The following GSTA3 variants were observed in gnomAD, a reference collection of about 807,000 sequenced individuals.
GSTA3 encodes the protein glutathione S-transferase A3.
Under a neutral mutation model 23.1 loss-of-function variants are expected in GSTA3, and 16 were observed. The ratio of observed to expected loss-of-function variants is 0.69; its 90% CI spans 0.47 to 1.05. The LOEUF (loss-of-function observed/expected upper bound fraction) is 1.05, where lower values mean the gene tolerates loss of function less well. Among genes scored for constraint, GSTA3 ranks in the 50% least tolerant of loss-of-function variants. The pLI is 0.00. For synonymous variants in GSTA3, 122 were observed against 91.0 expected (o/e 1.34, Z -1.94); for missense variants, 319 against 263.6 (o/e 1.21, Z -1.46).
chr6:52,906,023 A>T (rs1349088717), intron 1 of GSTA3, among the ~76,000 whole-genome samples, 168 bp from the exon 2 acceptor site: 1 of 152,150 alleles, frequency 6.6e-6, no homozygotes, highest in Non-Finnish European at 1.5e-5. Context: ...CACCAATGTG[A>T]CTTCACAGGG....
chr6:52,905,907 GC>G, intron 1 of GSTA3, 52 bp from the exon 2 acceptor site: 1 of 845,272 alleles, frequency 1.2e-6, no homozygotes, highest in Non-Finnish European at 2.0e-6. Context: ...GTCTAGAGAA[GC>G]AAAATGCACG....
chr6:52,897,234 G>A (rs1305479521), intron 6 of GSTA3, among the ~76,000 whole-genome samples: 1 of 152,244 alleles, frequency 6.6e-6, no homozygotes, highest in Non-Finnish European at 1.5e-5. Flanking sequence ...GTGCCTGTGA[G>A]ATATCAACAC....
chr6:52,902,988 T>C (rs1311448012), intron 3 of GSTA3, among the ~76,000 whole-genome samples: 1 of 152,130 alleles, frequency 6.6e-6, no homozygotes, highest in Non-Finnish European at 1.5e-5. Flanking sequence ...AATGGCCACA[T>C]CTATTTCTAT....
At chr6:52,906,545 C>T (rs1273584101) in intron 1 of GSTA3, among the ~76,000 whole-genome samples, 3 of 152,226 alleles carry the variant, frequency 2.0e-5, no homozygotes, top group South Asian at 4.1e-4. Context: ...AGGCATCACA[C>T]TATCTCACTT....
rs1460779697 is a variant in GSTA3 at position 52,897,817 on chromosome 6, T to C, written c.546+8A>G. ...GGCTGTCTCTCTGAGGGCTGTGAAA[T>C]GGGTCACCTTCAGCAGAGGGAAGTT... On this transcript the variant is annotated splice_region_variant and intron_variant, in intron 6 of 6. Coordinates refer to ENST00000211122, the MANE Select transcript of GSTA3 (RefSeq NM_000847.5). The C allele has an allele frequency of 2.5e-6, 4 of 1,612,274 alleles. No homozygotes were observed. In the Admixed American group the frequency reaches 5.0e-5, roughly 20 times the overall value.
Position 52,902,495 on chromosome 6 carries a change from A to G in GSTA3, c.140-17T>C. 2 of 1,597,784 alleles carry G rather than the reference A, an allele frequency of 1.3e-6. No homozygotes were observed. The highest frequency in any genetic ancestry group is 1.7e-6 in the Non-Finnish European group (2 of 1,173,772). ...AACTCCCATCTTTAGAAAGAAGGAA[A>G]AAAAAGGAACATGAAATTTCTATGA... On this transcript the variant is annotated splice_polypyrimidine_tract_variant and intron_variant, in intron 3 of 6. Transcript: ENST00000211122.
At chr6:52,899,800 G>T in intron 5 of GSTA3, 134 bp downstream of exon 5, 1 of 818,428 alleles carries the variant, frequency 1.2e-6, no homozygotes, top group Non-Finnish European at 2.1e-6. Flanking sequence ...AAAATGCCTT[G>T]AGAGTCAGAG....
intron 1 of GSTA3, among the ~76,000 whole-genome samples, chr6:52,908,156 C>CT (rs3063696): frequency 0.02 from 2,693 of 132,968 alleles, 39 homozygotes; most frequent in African/African-American, 0.027. Flanking sequence ...CAAGAGCAAT[C>CT]TTTTTTTTTT....
intron 5 of GSTA3, among the ~76,000 whole-genome samples, chr6:52,898,997 G>A (rs913347177): frequency 2.6e-5 from 4 of 152,144 alleles, no homozygotes; most frequent in Non-Finnish European, 4.4e-5. Flanking sequence ...GCAGGTAGCC[G>A]GCAATCGGAA....
intron 2 of GSTA3, among the ~76,000 whole-genome samples, chr6:52,904,637 C>G (rs1387477852): frequency 6.6e-6 from 1 of 152,132 alleles, no homozygotes; most frequent in African/African-American, 2.4e-5. Flanking sequence ...TGCTGACACC[C>G]GAGGGACAAG....
Position 52,897,921 on chromosome 6 carries a change from G to C in GSTA3, c.450C>G (p.Gly150=). Residue 150 remains glycine, a synonymous_variant, in exon 6 of 7, where the codon GGC becomes GGG. Transcript: ENST00000211122. ...TAATGTCAGCCCGGCTCAGCTTGTT[G>C]CCAACAAGGTAGTCTTGTCCATGGC... The part of the protein sequence containing the change: ...LQSHGQDYLV[G]NKLSRADISL... 1 of 1,614,008 alleles carries C rather than the reference G, an allele frequency of 6.2e-7. No homozygotes were observed. Among genetic ancestry groups the C allele is most frequent in the Non-Finnish European group, 8.5e-7 (1 of 1,179,904 alleles).
At chr6:52,908,700 G>T (rs922071890) in intron 1 of GSTA3, among the ~76,000 whole-genome samples, 1 of 152,066 alleles carries the variant, frequency 6.6e-6, no homozygotes, top group Non-Finnish European at 1.5e-5. Flanking sequence ...GCTTTGGCAG[G>T]GTAGCCCAGG....
intron 4 of GSTA3, among the ~76,000 whole-genome samples, chr6:52,901,146 T>C (rs1364700890): frequency 6.6e-6 from 1 of 152,256 alleles, no homozygotes; most frequent in Non-Finnish European, 1.5e-5. Flanking sequence ...ACATTATCGT[T>C]GTCACCCATT....
At chr6:52,902,972 C>T (rs1765744236) in intron 3 of GSTA3, among the ~76,000 whole-genome samples, 1 of 152,130 alleles carries the variant, frequency 6.6e-6, no homozygotes, top group Admixed American at 6.5e-5. Flanking sequence ...GAAAACAACT[C>T]AAGGTAATGG....
At chr6:52,899,888 T>C (rs1245863969) in intron 5 of GSTA3, 46 bp downstream of exon 5, 4 of 1,597,882 alleles carry the variant, frequency 2.5e-6, no homozygotes, top group East Asian at 2.2e-5. Context: ...ATTTTTCTAC[T>C]GGCCTCTAAA....
intron 5 of GSTA3, among the ~76,000 whole-genome samples, chr6:52,898,857 CTG>C (rs1460613343): frequency 5.9e-5 from 9 of 152,178 alleles, no homozygotes; most frequent in African/African-American, 1.9e-4. Context: ...GCCCCTGCTG[CTG>C]TGTCTTTCCC....
intron 4 of GSTA3, among the ~76,000 whole-genome samples, chr6:52,901,241 C>G (rs571758394): frequency 2.0e-5 from 3 of 152,222 alleles, no homozygotes; most frequent in African/African-American, 7.2e-5. Flanking sequence ...TTTTTATCAC[C>G]CTGATAAGGA....
intron 1 of GSTA3, among the ~76,000 whole-genome samples, chr6:52,908,178 T>C (rs890658647): frequency 6.7e-6 from 1 of 150,168 alleles, no homozygotes; most frequent in African/African-American, 2.4e-5. Context: ...TTTTTTGCCA[T>C]TTGCCTATAG....
At chr6:52,899,466 A>C (rs2127355438) in intron 5 of GSTA3, among the ~76,000 whole-genome samples, 1 of 152,274 alleles carries the variant, frequency 6.6e-6, no homozygotes, top group South Asian at 2.1e-4. Context: ...CCCCACTGTC[A>C]CTATCCTTTT....
Sources: allele counts gnomAD v4.1 joint callset (sites outside exome capture counted in the v4.1 genomes callset), GRCh38; gene constraint gnomAD v4.1.1; transcripts MANE v1.5; gene names NCBI Gene and HGNC (gene_info 2026-07-23, HGNC 2026-07-21).